TWIST2: variants seen among roughly 807,000 people sequenced by gnomAD.
The protein encoded by TWIST2 is twist family bHLH transcription factor 2, also known as twist-related protein 2.
Under a neutral mutation model 11.6 loss-of-function variants are expected in TWIST2, and 1 was observed. The observed-to-expected ratio is 0.09, with a 90% confidence interval of 0.03 to 0.41. The LOEUF is 0.41. Ranked by LOEUF, TWIST2 falls within the 10% of genes least tolerant of loss-of-function variation. The pLI is 0.98. For synonymous variants in TWIST2, 87 were observed against 96.6 expected, an observed-to-expected ratio of 0.90 and a Z score of 0.58; for missense variants, 168 against 226.4, an observed-to-expected ratio of 0.74 and a Z score of 1.66.
chr2:238,849,634 C>T (rs550724679), intron 1 of TWIST2, among the ~76,000 whole-genome samples: 10 of 152,324 alleles, frequency 6.6e-5, no homozygotes, highest in South Asian at 2.1e-4. Context: ...GACAGGGAGG[C>T]TGTGCGCGCC....
chr2:238,876,997 C>G (rs1029725224), intron 1 of TWIST2, among the ~76,000 whole-genome samples: 2 of 152,172 alleles, frequency 1.3e-5, no homozygotes, highest in African/African-American at 4.8e-5. Context: ...GAGTTTGAGA[C>G]TAGCCTGGCC....
Position 238,864,277 on chromosome 2 carries a change from A to G in TWIST2, c.*35+15544A>G, listed in dbSNP as rs1436258909. Among the ~76,000 whole-genome samples, 1 of 152,196 alleles carries G rather than the reference A, an allele frequency of 6.6e-6. No individual in the cohort carries two copies. The highest frequency in any genetic ancestry group is 2.4e-5 in the African/African-American group (1 of 41,446). On this transcript the variant is annotated intron_variant, in intron 1 of 1. Coordinates refer to ENST00000612363, the MANE Select transcript of TWIST2 (RefSeq NM_001271893.4). The surrounding 1 kb of genome is among the most constrained non-coding windows in gnomAD (Gnocchi z 4.7). Reference sequence around the variant, plus strand: ...CCCAAGCACGCGACTGTGAGCGGCGATCGGGGCCTGATCCTCAGTTCGAAG... The same window carrying G: ...CCCAAGCACGCGACTGTGAGCGGCGGTCGGGGCCTGATCCTCAGTTCGAAG...
chr2:238,904,985 AAAAG>A (rs1446331442), intron 1 of TWIST2, among the ~76,000 whole-genome samples: 2 of 151,902 alleles, frequency 1.3e-5, no homozygotes, highest in East Asian at 1.9e-4. Flanking sequence ...GAGAAAGAAA[AAAAG>A]AAGAAAGAAA....
chr2:238,858,026 A>C (rs966542682), intron 1 of TWIST2, among the ~76,000 whole-genome samples: 5 of 152,198 alleles, frequency 3.3e-5, no homozygotes, highest in African/African-American at 1.2e-4. Flanking sequence ...TCCAAAGCCA[A>C]CTGGCCTGGG....
intron 1 of TWIST2, among the ~76,000 whole-genome samples, chr2:238,895,124 G>A (rs1443847691): frequency 6.6e-6 from 1 of 152,154 alleles, no homozygotes; most frequent in Non-Finnish European, 1.5e-5. Flanking sequence ...TGCCACTGCC[G>A]CTGCCACTGA....
chr2:238,886,212 A>G (rs1320989540), intron 1 of TWIST2, among the ~76,000 whole-genome samples: 1 of 151,970 alleles, frequency 6.6e-6, no homozygotes, highest in Non-Finnish European at 1.5e-5. Context: ...CTGACCCTCT[A>G]CTGGGCTCTG....
In TWIST2 at chr2:238,867,622, A is replaced by G. The variant is rs1692567382; in HGVS notation, c.*35+18889A>G. Reference sequence around the variant, plus strand: ...TGGCACGGAGGAGCTGTCAGCAAGCAGGCGTCCGAAGATTGAGATCACAGA... The same window carrying G: ...TGGCACGGAGGAGCTGTCAGCAAGCGGGCGTCCGAAGATTGAGATCACAGA... On this transcript the variant is annotated intron_variant, in intron 1 of 1. Coordinates refer to ENST00000612363, the MANE Select transcript of TWIST2 (RefSeq NM_001271893.4). The surrounding 1 kb of genome is among the most constrained non-coding windows in gnomAD (Gnocchi z 4.8). Among the ~76,000 whole-genome samples, 1 of 152,292 alleles carries G rather than the reference A, an allele frequency of 6.6e-6. No individual in the cohort carries two copies. The highest frequency in any genetic ancestry group is 1.9e-4 in the East Asian group (1 of 5,176).
At chr2:238,880,049 G>A (rs1692879744) in intron 1 of TWIST2, among the ~76,000 whole-genome samples, 1 of 152,118 alleles carries the variant, frequency 6.6e-6, no homozygotes, top group South Asian at 2.1e-4. Context: ...TATTTAGTGT[G>A]AGTGTTAGTG....
chr2:238,891,864 A>T (rs1404129234), intron 1 of TWIST2, among the ~76,000 whole-genome samples: 1 of 151,976 alleles, frequency 6.6e-6, no homozygotes, highest in Non-Finnish European at 1.5e-5. Context: ...GTCCGCGGGG[A>T]TGTCTTTCTG....
intron 1 of TWIST2, among the ~76,000 whole-genome samples, chr2:238,904,570 C>G (rs1190180268): frequency 6.6e-6 from 1 of 151,986 alleles, no homozygotes; most frequent in Admixed American, 6.6e-5. Flanking sequence ...GACTGTCCAA[C>G]GGTGTCCATG....
chr2:238,890,492 AG>A (rs1211444235), intron 1 of TWIST2, among the ~76,000 whole-genome samples: 5 of 152,208 alleles, frequency 3.3e-5, no homozygotes, highest in African/African-American at 1.2e-4. Flanking sequence ...TTCCCCACTT[AG>A]GGTTTTTGTT....
At chr2:238,901,524 G>A (rs1023865389) in intron 1 of TWIST2, among the ~76,000 whole-genome samples, 6 of 152,298 alleles carry the variant, frequency 3.9e-5, no homozygotes, top group South Asian at 2.1e-4. Context: ...TCTGCTAGGC[G>A]TTCAGCCTGG....
intron 1 of TWIST2, among the ~76,000 whole-genome samples, chr2:238,857,781 A>G (rs867706172): frequency 2.6e-5 from 4 of 152,188 alleles, no homozygotes; most frequent in Middle Eastern, 3.4e-3. Context: ...TACTAAAAAT[A>G]CAAAAATTAG....
intron 1 of TWIST2, among the ~76,000 whole-genome samples, chr2:238,854,939 T>C (rs1366296154): frequency 6.6e-6 from 1 of 152,248 alleles, no homozygotes; most frequent in Admixed American, 6.5e-5. Flanking sequence ...AAGTACCGTT[T>C]CCTTTCCTTC....
At position 238,848,169 on chromosome 2, in the gene TWIST2, G is replaced by A. The variant is rs928212544; in HGVS notation, c.-47G>A. The A allele has an allele frequency of 2.0e-5, 24 of 1,198,228 alleles. No individual in the cohort carries two copies. Among genetic ancestry groups the A allele is most frequent in the Admixed American group, 4.5e-5 (1 of 22,388 alleles). 74.2% of individuals were successfully genotyped at this position (1,198,228 alleles called of 1,614,324 possible). ...ACCGCGGGCTTGGCCAGCGGCGCGC[G>A]CTCGGCGCCCCGGCGCCCCCAGCCC... is the stretch of plus-strand genomic sequence containing the variant. On this transcript the variant is annotated 5_prime_UTR_variant, in exon 1 of 2. Transcript: ENST00000612363.
At chr2:238,871,588 C>CCACA (rs765832962) in intron 1 of TWIST2, among the ~76,000 whole-genome samples, 2 of 131,260 alleles carry the variant, frequency 1.5e-5, no homozygotes, top group Non-Finnish European at 3.3e-5. Flanking sequence ...CTGACACACA[C>CCACA]CACACACACA....
intron 1 of TWIST2, among the ~76,000 whole-genome samples, chr2:238,879,389 C>A (rs1273095086): frequency 1.3e-5 from 2 of 152,152 alleles, no homozygotes; most frequent in Non-Finnish European, 2.9e-5. Context: ...ATTAATAGTG[C>A]CCCTTTCACT....
At chr2:238,879,495 C>G (rs911768912) in intron 1 of TWIST2, among the ~76,000 whole-genome samples, 2 of 152,244 alleles carry the variant, frequency 1.3e-5, no homozygotes, top group Non-Finnish European at 2.9e-5. Context: ...CACTAGGCCA[C>G]ACTCACCACT....
chr2:238,909,601 CA>C (rs1287497804), intron 1 of TWIST2, among the ~76,000 whole-genome samples: 7 of 152,090 alleles, frequency 4.6e-5, no homozygotes, highest in African/African-American at 1.7e-4. Context: ...CAGGAAAGGG[CA>C]CTCGGGGGAG....
Sources: gnomAD v4.1 joint callset for allele counts (sites outside exome capture counted in the v4.1 genomes callset) on GRCh38, gnomAD v4.1.1 for gene constraint, Gnocchi (gnomAD v3.1) non-coding constraint, MANE v1.5 for transcripts, NCBI Gene and HGNC (gene_info 2026-07-23, HGNC 2026-07-21) for gene names.